FBXO36: variants seen among roughly 807,000 people sequenced by gnomAD.
FBXO36 encodes F-box protein 36.
Under a neutral mutation model 17.0 loss-of-function variants are expected in FBXO36, and 18 were observed. That is an observed-to-expected ratio of 1.06 (90% CI 0.73 to 1.57). The LOEUF is 1.57. FBXO36 is among the 40% of genes most tolerant of loss of function. The probability of loss-of-function intolerance (pLI) is 0.00; values close to 1 mark genes in which losing one functional copy is unlikely to be tolerated. For synonymous variants in FBXO36, 83 were observed against 85.3 expected, an observed-to-expected ratio of 0.97 and a Z score of 0.15; for missense variants, 229 against 221.9, an observed-to-expected ratio of 1.03 and a Z score of -0.20.
chr2:229,951,464 G>C (rs1485644764), intron 1 of FBXO36, among the ~76,000 whole-genome samples: 2 of 150,048 alleles, frequency 1.3e-5, no homozygotes, highest in East Asian at 2.0e-4. Context: ...GGCTGGTCTT[G>C]AACTCCTCAT....
chr2:229,980,689 A>G (rs78352112), intron 2 of FBXO36, among the ~76,000 whole-genome samples: 1,536 of 152,230 alleles, frequency 0.01, 14 homozygotes, highest in Non-Finnish European at 0.016. Context: ...TGATACTGGA[A>G]GAGAAAAGGC....
intron 2 of FBXO36, among the ~76,000 whole-genome samples, chr2:229,983,423 T>A (rs1476416005): frequency 6.6e-6 from 1 of 151,130 alleles, no homozygotes; most frequent in African/African-American, 2.4e-5. Flanking sequence ...CTCAGCCTCC[T>A]GAGTATCTGG....
intron 1 of FBXO36, among the ~76,000 whole-genome samples, chr2:229,935,171 A>G (rs2076957857): frequency 6.6e-6 from 1 of 152,236 alleles, no homozygotes; most frequent in Admixed American, 6.5e-5. Context: ...AGAATTTCTT[A>G]CAAATGTTTT....
chr2:229,992,846 G>A (rs1218116709), intron 2 of FBXO36, among the ~76,000 whole-genome samples: 1 of 152,162 alleles, frequency 6.6e-6, no homozygotes, highest in African/African-American at 2.4e-5. Flanking sequence ...ATTGGGGCTG[G>A]AGGATCCCAT....
rs940755571 is a variant in FBXO36 at position 230,011,463 on chromosome 2, G to A, written c.*579G>A. On this transcript the variant is annotated 3_prime_UTR_variant, in exon 4 of 4. Transcript: ENST00000283946. ...AGGATGCCAGGGTCCATCCCCGCAT[G>A]TAGACAGCTTCCGACCTGGTGCTGG... The A allele has an allele frequency of 1.3e-5, 2 of 152,390 alleles. No homozygotes were observed. Among genetic ancestry groups the A allele is most frequent in the African/African-American group, 4.8e-5 (2 of 41,466 alleles). The allele number at this position is 152,390 out of a possible 1,614,324, so 9.4% of individuals were successfully genotyped here.
intron 2 of FBXO36, among the ~76,000 whole-genome samples, chr2:229,983,786 T>A (rs998035884): frequency 6.6e-6 from 1 of 152,206 alleles, no homozygotes; most frequent in Admixed American, 6.5e-5. Flanking sequence ...AATTATTTAA[T>A]CTTTTTAGGT....
intron 1 of FBXO36, among the ~76,000 whole-genome samples, chr2:229,953,604 C>G (rs1337032759): frequency 6.6e-6 from 1 of 150,536 alleles, no homozygotes; most frequent in East Asian, 2.0e-4. Context: ...TCACTTGAGC[C>G]CTGGCTGCAG....
intron 1 of FBXO36, among the ~76,000 whole-genome samples, chr2:229,949,924 CA>C (rs1249054244): frequency 6.6e-6 from 1 of 151,998 alleles, no homozygotes; most frequent in Non-Finnish European, 1.5e-5. Flanking sequence ...GACTCCGTCT[CA>C]AAACAAAAAC....
chr2:229,967,204 T>C (rs1301202288), intron 1 of FBXO36, among the ~76,000 whole-genome samples: 1 of 152,208 alleles, frequency 6.6e-6, no homozygotes, highest in Non-Finnish European at 1.5e-5. Context: ...ATAAGAATGC[T>C]TGTGATTTTT....
intron 1 of FBXO36, among the ~76,000 whole-genome samples, chr2:229,929,616 T>G (rs1228974719): frequency 1.3e-5 from 2 of 151,660 alleles, no homozygotes; most frequent in East Asian, 3.9e-4. Flanking sequence ...CTCATGCCTG[T>G]AATCCCAGCA....
At chr2:229,971,199 T>C (rs2077178315) in intron 1 of FBXO36, among the ~76,000 whole-genome samples, 2 of 151,534 alleles carry the variant, frequency 1.3e-5, no homozygotes, top group Admixed American at 6.6e-5. Flanking sequence ...ACTAAAAATA[T>C]AAAAAATTAG....
chr2:229,926,724 C>T (rs1359557941), intron 1 of FBXO36, among the ~76,000 whole-genome samples: 2 of 150,932 alleles, frequency 1.3e-5, no homozygotes. Context: ...AGAGTGAGAC[C>T]CCATCTCAAA....
intron 1 of FBXO36, among the ~76,000 whole-genome samples, chr2:229,944,443 C>G (rs1352074520): frequency 6.6e-6 from 1 of 152,108 alleles, no homozygotes; most frequent in Non-Finnish European, 1.5e-5. Flanking sequence ...AGTATCACCC[C>G]TTTAAACATG....
intron 3 of FBXO36, among the ~76,000 whole-genome samples, chr2:230,010,152 T>C (rs1284676496): frequency 2.0e-5 from 3 of 151,604 alleles, no homozygotes; most frequent in Admixed American, 1.3e-4. Context: ...TCCCAGCTAC[T>C]TGGGAGGCTG....
intron 1 of FBXO36, among the ~76,000 whole-genome samples, chr2:229,933,425 G>A (rs1169902155): frequency 6.6e-6 from 1 of 152,144 alleles, no homozygotes; most frequent in Non-Finnish European, 1.5e-5. Context: ...CACAAAGATT[G>A]TGCGTTAGTA....
intron 3 of FBXO36, among the ~76,000 whole-genome samples, chr2:230,002,628 C>T (rs1032393021): frequency 6.6e-6 from 1 of 152,086 alleles, no homozygotes; most frequent in Non-Finnish European, 1.5e-5. Context: ...AAGCAATCCT[C>T]CTGCTTCAGC....
intron 2 of FBXO36, among the ~76,000 whole-genome samples, chr2:229,988,024 T>TA (rs1272646285): frequency 6.6e-6 from 1 of 152,204 alleles, no homozygotes; most frequent in African/African-American, 2.4e-5. Flanking sequence ...CTTGCGTCTT[T>TA]ATTCTCATTC....
At chr2:229,970,837 T>G (rs1428848243) in intron 1 of FBXO36, among the ~76,000 whole-genome samples, 1 of 152,216 alleles carries the variant, frequency 6.6e-6, no homozygotes, top group Non-Finnish European at 1.5e-5. Flanking sequence ...TAAAATGAGT[T>G]AATTAGTATA....
At chr2:229,933,098 C>G (rs1052242712) in intron 1 of FBXO36, among the ~76,000 whole-genome samples, 3 of 151,998 alleles carry the variant, frequency 2.0e-5, no homozygotes, top group African/African-American at 7.3e-5. Flanking sequence ...GAGTTTGCAT[C>G]GAAGATTGTA....
Sources: gnomAD v4.1 joint callset for allele counts (sites outside exome capture counted in the v4.1 genomes callset) on GRCh38, gnomAD v4.1.1 for gene constraint, MANE v1.5 for transcripts, NCBI Gene and HGNC (gene_info 2026-07-23, HGNC 2026-07-21) for gene names.